MDM2: variants seen among roughly 807,000 people sequenced by gnomAD.
MDM2 encodes MDM2 proto-oncogene.
A neutral mutation model predicts 64.3 loss-of-function variants in MDM2; 11 were observed. That is an observed-to-expected ratio of 0.17 (90% CI 0.11 to 0.28). The LOEUF (loss-of-function observed/expected upper bound fraction) is 0.28, where lower values mean the gene tolerates loss of function less well. Among genes scored for constraint, MDM2 ranks in the 10% least tolerant of loss-of-function variants. MDM2 has a pLI of 1.00. For missense variants in MDM2, 388 were observed against 577.1 expected, an observed-to-expected ratio of 0.67 and a Z score of 3.36; for synonymous variants, 194 against 192.9, an observed-to-expected ratio of 1.01 and a Z score of -0.05.
In MDM2 at chr12:68,842,080, T is replaced by C. The variant is rs943809184; in HGVS notation, c.*2231T>C. 15 of 414,516 alleles carry C rather than the reference T, an allele frequency of 3.6e-5. No homozygotes were observed. Among genetic ancestry groups the C allele is most frequent in the Middle Eastern group, 3.5e-4 (1 of 2,898 alleles). The allele number at this position is 414,516 out of a possible 1,614,324, so 25.7% of individuals were successfully genotyped here. On this transcript the variant is annotated 3_prime_UTR_variant, in exon 11 of 11. Coordinates refer to ENST00000258149, the MANE Select transcript of MDM2 (RefSeq NM_002392.6). ...AAAGGTTAGGTGGACTAAAGCATTC[T>C]GTAAAGCAACTGCTAATAATGAGCT...
chr12:68,833,378 T>A, intron 8 of MDM2, among the ~76,000 whole-genome samples: 1 of 132,896 alleles, frequency 7.5e-6, no homozygotes, highest in Admixed American at 7.9e-5. Context: ...CCTGTATATA[T>A]TATATATATT....
intron 7 of MDM2, among the ~76,000 whole-genome samples, chr12:68,826,527 T>TA (rs1187204984): frequency 2.6e-5 from 4 of 151,370 alleles, no homozygotes; most frequent in Non-Finnish European, 5.9e-5. Context: ...CAGGCGCCTG[T>TA]AATCCCAGCT....
At position 68,841,711 on chromosome 12, in the gene MDM2, C is replaced by G. The variant is rs538240593; in HGVS notation, c.*1862C>G. 1 of 206,232 alleles carries G rather than the reference C, an allele frequency of 4.8e-6. No homozygotes were observed. Among genetic ancestry groups the G allele is most frequent in the Non-Finnish European group, 9.9e-6 (1 of 101,068 alleles). The allele number at this position is 206,232 out of a possible 1,614,324, so 12.8% of individuals were successfully genotyped here. A position where few individuals can be genotyped will look rare whatever the true frequency, so the allele number is the denominator to read the frequency against. ...TTGCTTAAGGCCAGTTTTAGAAACC[C>G]GTGAATTCAGAAAAGTTAATTCAGA... On this transcript the variant is annotated 3_prime_UTR_variant, in exon 11 of 11. Transcript: ENST00000258149.
At chr12:68,818,756 C>A (rs1881605327) in intron 4 of MDM2, among the ~76,000 whole-genome samples, 1 of 150,944 alleles carries the variant, frequency 6.6e-6, no homozygotes, top group African/African-American at 2.4e-5. Flanking sequence ...ATTGAATCTT[C>A]TATTTTTTTT....
At position 68,808,322 on chromosome 12, in the gene MDM2, C is replaced by T; in HGVS notation, c.-156C>T. 7 of 930,396 alleles carry T rather than the reference C, an allele frequency of 7.5e-6. No homozygotes were observed. Among genetic ancestry groups the T allele is most frequent in the Non-Finnish European group, 1.2e-5 (7 of 600,882 alleles). 57.6% of individuals were successfully genotyped at this position (930,396 alleles called of 1,614,324 possible). A position where few individuals can be genotyped will look rare whatever the true frequency, so the allele number is the denominator to read the frequency against. On this transcript the variant is annotated 5_prime_UTR_variant, in exon 1 of 11. Transcript: ENST00000258149. ...ATCCTGCTGCTTTCGCAGCCAGGAG[C>T]ACCGTCCCTCCCCGGATTAGTGCGT...
chr12:68,821,205 G>A (rs868004191), intron 5 of MDM2, among the ~76,000 whole-genome samples: 5 of 151,820 alleles, frequency 3.3e-5, no homozygotes, highest in African/African-American at 4.8e-5. Context: ...ATGCCACCAC[G>A]CCCGGCTAAT....
At position 68,808,444 on chromosome 12, in the gene MDM2, G is replaced by C. The variant is rs1207948542; in HGVS notation, c.-34G>C. The stretch of plus-strand genomic sequence containing the variant: ...CCCGTGAAGGAAACTGGGGAGTCTT[G>C]AGGGACCCCCGACTCCAAGCGCGAA... On this transcript the variant is annotated 5_prime_UTR_variant, in exon 1 of 11. Coordinates refer to ENST00000258149, the MANE Select transcript of MDM2 (RefSeq NM_002392.6). The C allele has an allele frequency of 1.2e-6, 2 of 1,614,052 alleles. No individual in the cohort carries two copies. The highest frequency in any genetic ancestry group is 2.2e-5 in the East Asian group (1 of 44,864).
intron 2 of MDM2, among the ~76,000 whole-genome samples, chr12:68,811,601 A>ATTTTT (rs34328350): frequency 9.6e-5 from 11 of 114,344 alleles, no homozygotes; most frequent in South Asian, 2.7e-4. Flanking sequence ...TCCATTACAG[A>ATTTTT]TTTTTTTTTT....
intron 1 of MDM2, 122 bp from the exon 2 acceptor site, chr12:68,809,086 G>A: frequency 6.6e-7 from 1 of 1,525,522 alleles, no homozygotes; most frequent in Non-Finnish European, 8.7e-7. Flanking sequence ...TGCTGATCCA[G>A]GTAAGCACCG....
At chr12:68,836,463 C>A in intron 9 of MDM2, 1 of 439,672 alleles carries the variant, frequency 2.3e-6, no homozygotes, top group Non-Finnish European at 4.1e-6. Context: ...TCATCCTAAA[C>A]ATCCTTTGTA....
In MDM2 at chr12:68,813,565, G is replaced by A; in HGVS notation, c.111G>A (p.Lys37=). The A allele has an allele frequency of 6.2e-7, 1 of 1,612,938 alleles. No homozygotes were observed. Among genetic ancestry groups the A allele is most frequent in the Non-Finnish European group, 8.5e-7 (1 of 1,179,200 alleles). The change falls in exon 3 of 11, where the codon AAG becomes AAA. Residue 37 remains lysine, a synonymous_variant. Transcript: ENST00000258149. ...ASEQETLVRP[K]PLLLKLLKSV... Reference sequence around the variant, plus strand: ...TTTTCTCTTTATAGGTTAGACCAAAGCCATTGCTTTTGAAGTTATTAAAGT... The same window carrying A: ...TTTTCTCTTTATAGGTTAGACCAAAACCATTGCTTTTGAAGTTATTAAAGT...
chr12:68,828,662 T>C (rs1049751965), intron 7 of MDM2, 109 bp from the exon 8 acceptor site: 23 of 870,238 alleles, frequency 2.6e-5, no homozygotes, highest in Admixed American at 1.0e-4. Context: ...CAGTGTTAAC[T>C]TTTGAACTAA....
rs903003338 is a variant in MDM2 at position 68,842,625 on chromosome 12, T to TA, written c.*2777dup. On this transcript the variant is annotated 3_prime_UTR_variant, in exon 11 of 11. Transcript: ENST00000258149. ...AAGTGAAATGTGGACATAAAATAGT[T>TA]ACGCTATTTGGTTAATGGTACTAGA... 47 of 288,560 alleles carry TA rather than the reference T, an allele frequency of 1.6e-4. No individual in the cohort carries two copies. The highest frequency in any genetic ancestry group is 9.6e-4 in the African/African-American group (45 of 46,728). The allele number at this position is 288,560 out of a possible 1,614,324, so 17.9% of individuals were successfully genotyped here. A position where few individuals can be genotyped will look rare whatever the true frequency, so the allele number is the denominator to read the frequency against.
chr12:68,833,140 A>AT, intron 8 of MDM2, among the ~76,000 whole-genome samples: 3 of 119,852 alleles, frequency 2.5e-5, no homozygotes, highest in African/African-American at 3.3e-5. Flanking sequence ...AAAAAAAAAA[A>AT]AAAAAAAAAA....
chr12:68,824,688 T>C (rs1430526833), intron 7 of MDM2, 37 bp downstream of exon 7: 1 of 1,288,732 alleles, frequency 7.8e-7, no homozygotes, highest in Non-Finnish European at 1.1e-6. Context: ...TTCACACAGC[T>C]TTTTGATATT....
rs1305682185 is a variant in MDM2 at position 68,845,299 on chromosome 12, G to T, written c.*5450G>T. The stretch of plus-strand genomic sequence containing the variant: ...AGCCAGCTTTCAATTATATGTAAGA[G>T]GGACTTTTTGACATTTACAAATAAT... On this transcript the variant is annotated 3_prime_UTR_variant, in exon 11 of 11. Coordinates refer to ENST00000258149, the MANE Select transcript of MDM2 (RefSeq NM_002392.6). 9.4e-6 allele frequency: 2 copies of T among 213,578 alleles called. No individual in the cohort carries two copies. Among genetic ancestry groups the T allele is most frequent in the East Asian group, 1.4e-4 (2 of 14,298 alleles). 13.2% of individuals were successfully genotyped at this position (213,578 alleles called of 1,614,324 possible).
At chr12:68,826,646 CTTAAAAAA>C (rs1565740068) in intron 7 of MDM2, among the ~76,000 whole-genome samples, 3 of 105,926 alleles carry the variant, frequency 2.8e-5, no homozygotes, top group African/African-American at 6.5e-5. Flanking sequence ...GAGACTCCCT[CTTAAAAAA>C]AAAAAAAAAA....
Position 68,839,483 on chromosome 12 carries a change from C to T in MDM2, c.1128C>T (p.Ser376=). The change falls in exon 11 of 11, where the codon TCC becomes TCT. Residue 376 remains serine (S), a synonymous_variant. Coordinates refer to ENST00000258149, the MANE Select transcript of MDM2 (RefSeq NM_002392.6). ...GTAAAAAAACTATAGTGAATGATTCCAGAGAGTCATGTGTTGAGGAAAATG... is the reference window on the plus strand; with the variant it reads ...GTAAAAAAACTATAGTGAATGATTCTAGAGAGTCATGTGTTGAGGAAAATG... ...PDCKKTIVND[S]RESCVEENDD... is the part of the protein sequence containing the mutation. The T allele has an allele frequency of 1.2e-6, 2 of 1,613,842 alleles. No individual in the cohort carries two copies. The highest frequency in any genetic ancestry group is 1.7e-6 in the Non-Finnish European group (2 of 1,179,994).
chr12:68,839,146 A>G (rs1405925863), intron 10 of MDM2, 128 bp from the exon 11 acceptor site: 22 of 791,846 alleles, frequency 2.8e-5, no homozygotes, highest in Non-Finnish European at 4.0e-5. Context: ...ATTTTATATA[A>G]AACATGAAAC....
Sources: gnomAD v4.1 joint callset for allele counts (sites outside exome capture counted in the v4.1 genomes callset) on GRCh38, gnomAD v4.1.1 for gene constraint, MANE v1.5 for transcripts, NCBI Gene and HGNC (gene_info 2026-07-23, HGNC 2026-07-21) for gene names.